Variants in KLF11 observed in about 807,000 individuals in gnomAD.
KLF11 encodes Krueppel-like factor 11.
In KLF11, 26 loss-of-function variants were observed where a neutral mutation model predicts 29.9. The observed-to-expected ratio is 0.87, with a 90% CI of 0.64 to 1.21. The LOEUF is 1.21. Among genes scored for constraint, KLF11 ranks in the 50% most tolerant of loss-of-function variants. The pLI, the probability that KLF11 is intolerant of heterozygous loss-of-function variation, is 0.00. For synonymous variants in KLF11, 318 were observed against 257.4 expected, an observed-to-expected ratio of 1.24 and a Z score of -2.25; for missense variants, 778 against 665.7, an observed-to-expected ratio of 1.17 and a Z score of -1.86.
intron 1 of KLF11, 79 bp from the exon 2 acceptor site, chr2:10,046,071 A>G: frequency 3.9e-6 from 6 of 1,526,882 alleles, no homozygotes; most frequent in African/African-American, 1.4e-5. Flanking sequence ...GGCTTCTGAT[A>G]TGCATATCCA....
chr2:10,052,707 G>A lies in KLF11; in HGVS notation c.*200G>A. ...CTGTTCAGTATCTTTTGTAGTTTCAGAAGTTTTTTTGTTTTGGTTTTTTTT... is the reference window on the plus strand; with the variant it reads ...CTGTTCAGTATCTTTTGTAGTTTCAAAAGTTTTTTTGTTTTGGTTTTTTTT... On this transcript the variant is annotated 3_prime_UTR_variant, in exon 4 of 4. Transcript: ENST00000305883. 1 of 465,412 alleles carries A rather than the reference G, an allele frequency of 2.1e-6. No individual in the cohort carries two copies. The highest frequency in any genetic ancestry group is 3.6e-6 in the Non-Finnish European group (1 of 274,516). 28.8% of individuals were successfully genotyped at this position (465,412 alleles called of 1,614,324 possible).
chr2:10,046,983 T>C (rs1199484695), intron 2 of KLF11, among the ~76,000 whole-genome samples: 1 of 152,222 alleles, frequency 6.6e-6, no homozygotes, highest in Non-Finnish European at 1.5e-5. Context: ...TACAGATTAA[T>C]GTGAGAAAGT....
chr2:10,045,141 G>GT (rs1661150395), intron 1 of KLF11, among the ~76,000 whole-genome samples: 1 of 144,676 alleles, frequency 6.9e-6, no homozygotes, highest in African/African-American at 2.6e-5. Context: ...GCAAGACTCT[G>GT]TCTCAAAAAA....
At chr2:10,043,845 A>T in intron 1 of KLF11, 87 bp downstream of exon 1, 1 of 1,248,630 alleles carries the variant, frequency 8.0e-7, no homozygotes, top group Non-Finnish European at 1.0e-6. Context: ...GCGCCTGTAA[A>T]TGCGGGAGGT....
intron 1 of KLF11, chr2:10,044,406 G>C (rs939443776): frequency 5.1e-6 from 5 of 985,486 alleles, no homozygotes; most frequent in African/African-American, 1.7e-5. Context: ...CGGGCCTCGT[G>C]GTGTGCGGGC....
intron 1 of KLF11, among the ~76,000 whole-genome samples, chr2:10,045,060 C>G (rs190604765): frequency 6.6e-6 from 1 of 152,148 alleles, no homozygotes; most frequent in African/African-American, 2.4e-5. Context: ...GCAGGAGAGT[C>G]GCTTGAACCT....
chr2:10,044,450 T>C lies in KLF11; in HGVS notation c.42+692T>C, dbSNP rs962684637. ...CCGGGCGAGCCCCTTCCCGCCCGTG[T>C]GGTGAGTCGGCCTCGGCGCCCGGTT... On this transcript the variant is annotated intron_variant, in intron 1 of 3. Transcript: ENST00000305883. 7.1e-6 allele frequency: 7 copies of C among 985,108 alleles called. No individual in the cohort carries two copies. In the African/African-American group the frequency reaches 8.7e-5, roughly 12 times the overall value. 61.0% of individuals were successfully genotyped at this position (985,108 alleles called of 1,614,324 possible).
chr2:10,045,563 C>T (rs1328222134), intron 1 of KLF11, among the ~76,000 whole-genome samples: 2 of 152,220 alleles, frequency 1.3e-5, no homozygotes, highest in African/African-American at 4.8e-5. Context: ...TCACCACCTG[C>T]TAGCCTTGGG....
rs1209274165 is a variant in KLF11 at position 10,048,014 on chromosome 2, C to G, written c.677C>G (p.Thr226Ser). Residue 226 changes from threonine to serine, a missense_variant, in exon 3 of 4, where the codon ACT becomes AGT. Transcript: ENST00000305883. ...CACCTCACGGACAGTTTACTCAGCA[C>G]TAACTTGGTGTCCTGTCAGCCCTGC... ...DTHLTDSLLS[T>S]NLVSCQPCLH... 2 of 1,614,214 alleles carry G rather than the reference C, an allele frequency of 1.2e-6. No individual in the cohort carries two copies. Among genetic ancestry groups the G allele is most frequent in the Non-Finnish European group, 8.5e-7 (1 of 1,180,042 alleles).
Position 10,052,622 on chromosome 2 carries a change from G to A in KLF11, c.*115G>A. 9.8e-7 allele frequency: 1 copy of A among 1,017,244 alleles called. No homozygotes were observed. The highest frequency in any genetic ancestry group is 1.5e-6 in the Non-Finnish European group (1 of 672,536). The allele number at this position is 1,017,244 out of a possible 1,614,324, so 63.0% of individuals were successfully genotyped here. ...AAAAAAACGGTCTTGGCGGCCTAGGGGAAGATCGGGGAGCTGGTTTTGATG... is the reference window on the plus strand; with the variant it reads ...AAAAAAACGGTCTTGGCGGCCTAGGAGAAGATCGGGGAGCTGGTTTTGATG... On this transcript the variant is annotated 3_prime_UTR_variant, in exon 4 of 4. Transcript: ENST00000305883.
chr2:10,053,611 G>T lies in KLF11; in HGVS notation c.*1104G>T. 5.1e-6 allele frequency: 2 copies of T among 394,786 alleles called. No homozygotes were observed. The highest frequency in any genetic ancestry group is 8.9e-6 in the Non-Finnish European group (2 of 223,956). The allele number at this position is 394,786 out of a possible 1,614,324, so 24.5% of individuals were successfully genotyped here. On this transcript the variant is annotated 3_prime_UTR_variant, in exon 4 of 4. Coordinates refer to ENST00000305883, the MANE Select transcript of KLF11 (RefSeq NM_003597.5). ...AGAAACACAAGGAAATGCAAGTTACGCTAAATGGCAGTAATACTACCCAAC... is the reference window on the plus strand; with the variant it reads ...AGAAACACAAGGAAATGCAAGTTACTCTAAATGGCAGTAATACTACCCAAC...
chr2:10,051,799 G>C (rs1185524286), intron 3 of KLF11, among the ~76,000 whole-genome samples: 1 of 152,224 alleles, frequency 6.6e-6, no homozygotes, highest in Non-Finnish European at 1.5e-5. Flanking sequence ...TTACAGGCGT[G>C]AGCCACTGCG....
At position 10,047,799 on chromosome 2, in the gene KLF11, G is replaced by A. The variant is rs747973630; in HGVS notation, c.462G>A (p.Glu154=). ...VVARALSGGA[E]RGLLGLEPVP... ...CCAGAGCTCTGAGCGGGGGCGCGGAGAGGGGCTTGCTGGGTTTGGAGCCAG... is the reference window on the plus strand; with the variant it reads ...CCAGAGCTCTGAGCGGGGGCGCGGAAAGGGGCTTGCTGGGTTTGGAGCCAG... Residue 154 remains glutamate, a synonymous_variant, in exon 3 of 4, where the codon GAG becomes GAA. Transcript: ENST00000305883. 4 of 1,613,562 alleles carry A rather than the reference G, an allele frequency of 2.5e-6. No individual in the cohort carries two copies. In the South Asian group the frequency reaches 4.4e-5, roughly 18 times the overall value.
At chr2:10,050,013 A>C (rs1314328469) in intron 3 of KLF11, among the ~76,000 whole-genome samples, 2 of 152,192 alleles carry the variant, frequency 1.3e-5, no homozygotes, top group Non-Finnish European at 2.9e-5. Context: ...GAGGTGACTG[A>C]ATGAAGTTTT....
intron 1 of KLF11, among the ~76,000 whole-genome samples, chr2:10,044,921 G>A (rs13432622): frequency 6.6e-6 from 1 of 152,140 alleles, no homozygotes; most frequent in Admixed American, 6.5e-5. Flanking sequence ...CGAGGTGGGC[G>A]GATCACCTGA....
rs145857515 is a variant in KLF11, at chr2:10,049,854, C to T, written c.1258+1259C>T. ...GTTGGTTGTTTGCATGGCAGATGGACGTGGGGCTGTGTCAGGGAACGGGTG... is the reference window on the plus strand; with the variant it reads ...GTTGGTTGTTTGCATGGCAGATGGATGTGGGGCTGTGTCAGGGAACGGGTG... On this transcript the variant is annotated intron_variant, in intron 3 of 3. Coordinates refer to ENST00000305883, the MANE Select transcript of KLF11 (RefSeq NM_003597.5). Among the ~76,000 whole-genome samples, 829 of 152,220 alleles carry T rather than the reference C, an allele frequency of 5.4e-3. 6 individuals are homozygous for T. The highest frequency in any genetic ancestry group is 0.018 in the South Asian group (85 of 4,806).
chr2:10,051,404 G>A (rs747913485), intron 3 of KLF11, among the ~76,000 whole-genome samples: 37 of 151,454 alleles, frequency 2.4e-4, no homozygotes, highest in Admixed American at 7.2e-4. Context: ...AGACAGTTTC[G>A]CCATGTTGGT....
At chr2:10,050,703 G>A (rs1263238458) in intron 3 of KLF11, among the ~76,000 whole-genome samples, 1 of 151,788 alleles carries the variant, frequency 6.6e-6, no homozygotes, top group East Asian at 1.9e-4. Context: ...GTGAGACTCC[G>A]TCTCAAAAAA....
chr2:10,052,761 C>G lies in KLF11; in HGVS notation c.*254C>G. ...AAGAAATGGTAGAAAATTTGATAAT[C>G]TGAATCACCAGCATTCAAACAAATA... On this transcript the variant is annotated 3_prime_UTR_variant, in exon 4 of 4. Coordinates refer to ENST00000305883, the MANE Select transcript of KLF11 (RefSeq NM_003597.5). The G allele has an allele frequency of 2.1e-6, 1 of 483,288 alleles. No individual in the cohort carries two copies. Among genetic ancestry groups the G allele is most frequent in the East Asian group, 3.3e-5 (1 of 30,284 alleles). 29.9% of individuals were successfully genotyped at this position (483,288 alleles called of 1,614,324 possible). A position where few individuals can be genotyped will look rare whatever the true frequency, so the allele number is the denominator to read the frequency against.
Sources: gnomAD v4.1 joint callset for allele counts (sites outside exome capture counted in the v4.1 genomes callset) on GRCh38, gnomAD v4.1.1 for gene constraint, MANE v1.5 for transcripts, NCBI Gene and HGNC (gene_info 2026-07-23, HGNC 2026-07-21) for gene names.